The following OR51L1 variants were observed in gnomAD, a reference collection of about 807,000 sequenced individuals.
OR51L1 encodes the protein olfactory receptor 51L1.
In OR51L1, 1 loss-of-function variant was observed where a neutral mutation model predicts 1.4. The ratio of observed to expected loss-of-function variants is 0.72; its 90% CI spans 0.26 to 3.42. OR51L1 has a LOEUF of 3.42. Ranked by LOEUF, OR51L1 falls within the 30% of genes most tolerant of loss-of-function variation. The pLI, the probability that OR51L1 is intolerant of heterozygous loss-of-function variation, is 0.20. For missense variants in OR51L1, 378 were observed against 380.0 expected (o/e 0.99, Z 0.04); for synonymous variants, 156 against 144.2 (o/e 1.08, Z -0.59).
Position 5,003,869 on chromosome 11 carries a change from C to A in OR51L1, c.*3939C>A, listed in dbSNP as rs912674456. On this transcript the variant is annotated 3_prime_UTR_variant, in exon 3 of 3. Coordinates refer to ENST00000641819, the MANE Select transcript of OR51L1 (RefSeq NM_001004755.2). ...AGTATGTCTGATGACTAGAAATGTT[C>A]TTAATTTTAATTAAGTCCAACTTAT... 3 of 152,050 alleles carry A rather than the reference C, an allele frequency of 2.0e-5. No homozygotes were observed. Among genetic ancestry groups the A allele is most frequent in the African/African-American group, 7.2e-5 (3 of 41,404 alleles). 9.4% of individuals were successfully genotyped at this position (152,050 alleles called of 1,614,324 possible).
chr11:5,000,406 C>A lies in OR51L1; in HGVS notation c.*476C>A. 6.4e-6 allele frequency: 1 copy of A among 155,808 alleles called. No individual in the cohort carries two copies. Among genetic ancestry groups the A allele is most frequent in the Non-Finnish European group, 1.4e-5 (1 of 70,248 alleles). The allele number at this position is 155,808 out of a possible 1,614,324, so 9.7% of individuals were successfully genotyped here. Reference sequence around the variant, plus strand: ...TTATGAAAAATTTGAGTCCTTAGGGCAAGTTTGGAACTTGAGTTCCTGACA... The same window carrying A: ...TTATGAAAAATTTGAGTCCTTAGGGAAAGTTTGGAACTTGAGTTCCTGACA... On this transcript the variant is annotated 3_prime_UTR_variant, in exon 3 of 3. Transcript: ENST00000641819.
Position 4,998,988 on chromosome 11 carries a change from AG to A in OR51L1, c.7del (p.Asp3ThrfsTer14). The A allele has an allele frequency of 3.7e-6, 6 of 1,612,672 alleles. No individual in the cohort carries two copies. The highest frequency in any genetic ancestry group is 5.1e-6 in the Non-Finnish European group (6 of 1,179,128). ...CTGAATTACTCAAAGTCACTATGGG[AG>A]ACTGGAATAACAGTGATGCTGTGGA... Reference protein sequence around the residue: MGDWNNSDAVEPI... With the variant: MGXWNNSDAVEPI... On this transcript the variant is annotated frameshift_variant, in exon 3 of 3. Coordinates refer to ENST00000641819, the MANE Select transcript of OR51L1 (RefSeq NM_001004755.2). LOFTEE classifies it low-confidence loss of function (END_TRUNC).
intron 1 of OR51L1, among the ~76,000 whole-genome samples, chr11:4,996,716 TTTTCTTTTC>T (rs1231299101): frequency 5.9e-4 from 69 of 116,880 alleles, no homozygotes; most frequent in African/African-American, 2.1e-3. Flanking sequence ...CCTTCCTTTC[TTTTCTTTTC>T]TTTCTTTCTT....
rs528188262 is a variant in OR51L1 at position 5,004,934 on chromosome 11, A to C, written c.*5004A>C. ...TTCAGTCAGAACTATGTAAAAGAAAATAAAAATTGAAGGACCCCCCAAACT... is the reference window on the plus strand; with the variant it reads ...TTCAGTCAGAACTATGTAAAAGAAACTAAAAATTGAAGGACCCCCCAAACT... On this transcript the variant is annotated 3_prime_UTR_variant, in exon 3 of 3. Coordinates refer to ENST00000641819, the MANE Select transcript of OR51L1 (RefSeq NM_001004755.2). 1 of 152,284 alleles carries C rather than the reference A, an allele frequency of 6.6e-6. No individual in the cohort carries two copies. Among genetic ancestry groups the C allele is most frequent in the Admixed American group, 6.5e-5 (1 of 15,292 alleles). The allele number at this position is 152,284 out of a possible 1,614,324, so 9.4% of individuals were successfully genotyped here. A position where few individuals can be genotyped will look rare whatever the true frequency, so the allele number is the denominator to read the frequency against.
Position 5,003,657 on chromosome 11 carries a change from T to A in OR51L1, c.*3727T>A, listed in dbSNP as rs905744847. The A allele has an allele frequency of 1.6e-4, 24 of 152,286 alleles. No individual in the cohort carries two copies. Among genetic ancestry groups the A allele is most frequent in the African/African-American group, 5.5e-4 (23 of 41,556 alleles). The allele number at this position is 152,286 out of a possible 1,614,324, so 9.4% of individuals were successfully genotyped here. On this transcript the variant is annotated 3_prime_UTR_variant, in exon 3 of 3. Coordinates refer to ENST00000641819, the MANE Select transcript of OR51L1 (RefSeq NM_001004755.2). ...AATAAAATTCTCAAGGATTCCTTTT[T>A]TTCAGGCAGATGAAACAGGATGAGA...
At position 5,002,267 on chromosome 11, in the gene OR51L1, T is replaced by C. The variant is rs899317547; in HGVS notation, c.*2337T>C. On this transcript the variant is annotated 3_prime_UTR_variant, in exon 3 of 3. Transcript: ENST00000641819. ...ATTATATATCAGGACTTGAAATTTT[T>C]TCTTAGAGAGGAGGTGGTTAAACAC... 3.9e-5 allele frequency: 6 copies of C among 152,216 alleles called. No homozygotes were observed. The highest frequency in any genetic ancestry group is 7.3e-5 in the Non-Finnish European group (5 of 68,038). The allele number at this position is 152,216 out of a possible 1,614,324, so 9.4% of individuals were successfully genotyped here.
chr11:4,999,988 T>C lies in OR51L1; in HGVS notation c.*58T>C, dbSNP rs1408353164. 19 of 1,501,344 alleles carry C rather than the reference T, an allele frequency of 1.3e-5. No individual in the cohort carries two copies. Among genetic ancestry groups the C allele is most frequent in the Non-Finnish European group, 1.6e-5 (18 of 1,126,478 alleles). 93.0% of individuals were successfully genotyped at this position (1,501,344 alleles called of 1,614,324 possible). On this transcript the variant is annotated 3_prime_UTR_variant, in exon 3 of 3. Transcript: ENST00000641819. Reference sequence around the variant, plus strand: ...ATCTCATGGAAGCTGTTTTAGTATATGAAAAGTAAAATATCTGGGTGTTGC... The same window carrying C: ...ATCTCATGGAAGCTGTTTTAGTATACGAAAAGTAAAATATCTGGGTGTTGC...
In OR51L1 at chr11:5,000,586, T is replaced by C. The variant is rs984645542; in HGVS notation, c.*656T>C. 1 of 152,342 alleles carries C rather than the reference T, an allele frequency of 6.6e-6. No homozygotes were observed. Among genetic ancestry groups the C allele is most frequent in the African/African-American group, 2.4e-5 (1 of 41,568 alleles). The allele number at this position is 152,342 out of a possible 1,614,324, so 9.4% of individuals were successfully genotyped here. On this transcript the variant is annotated 3_prime_UTR_variant, in exon 3 of 3. Transcript: ENST00000641819. ...AGATACATGGGAGTGTTACCAAATA[T>C]AGTTTCAGTTGATGCCACTTGCAAA...
intron 2 of OR51L1, among the ~76,000 whole-genome samples, chr11:4,998,472 A>C (rs1055766657): frequency 6.6e-6 from 1 of 151,924 alleles, no homozygotes; most frequent in African/African-American, 2.4e-5. Context: ...AAATGTTTAA[A>C]TATTATAAAT....
Position 5,000,090 on chromosome 11 carries a change from G to T in OR51L1, c.*160G>T. 1.3e-6 allele frequency: 1 copy of T among 740,938 alleles called. No individual in the cohort carries two copies. Among genetic ancestry groups the T allele is most frequent in the Non-Finnish European group, 2.0e-6 (1 of 488,548 alleles). 45.9% of individuals were successfully genotyped at this position (740,938 alleles called of 1,614,324 possible). ...TAATCTTTAACCAATATGAAACTCAGGATTTTTTTGGACAAATTGTGACAA... is the reference window on the plus strand; with the variant it reads ...TAATCTTTAACCAATATGAAACTCATGATTTTTTTGGACAAATTGTGACAA... On this transcript the variant is annotated 3_prime_UTR_variant, in exon 3 of 3. Transcript: ENST00000641819.
Position 5,002,013 on chromosome 11 carries a change from A to C in OR51L1, c.*2083A>C, listed in dbSNP as rs1386325274. 6.6e-6 allele frequency: 1 copy of C among 152,232 alleles called. No individual in the cohort carries two copies. The highest frequency in any genetic ancestry group is 1.5e-5 in the Non-Finnish European group (1 of 68,034). 9.4% of individuals were successfully genotyped at this position (152,232 alleles called of 1,614,324 possible). ...GATATATTAATAAGTGGTCAATTTC[A>C]CTTGAGGATTTAAGAATCAGTAATC... On this transcript the variant is annotated 3_prime_UTR_variant, in exon 3 of 3. Coordinates refer to ENST00000641819, the MANE Select transcript of OR51L1 (RefSeq NM_001004755.2).
At chr11:4,997,070 A>G (rs2133659689) in intron 1 of OR51L1, among the ~76,000 whole-genome samples, 1 of 152,246 alleles carries the variant, frequency 6.6e-6, no homozygotes, top group Non-Finnish European at 1.5e-5. Flanking sequence ...GAGGGTCTCA[A>G]ATGAAAGCTT....
rs1847146092 is a variant in OR51L1 at position 5,003,100 on chromosome 11, T to A, written c.*3170T>A. On this transcript the variant is annotated 3_prime_UTR_variant, in exon 3 of 3. Coordinates refer to ENST00000641819, the MANE Select transcript of OR51L1 (RefSeq NM_001004755.2). ...GATCAAGGCAAGTTTCGAGCAGGAGTGGAAGTTTATTTAAAAATGCTTTAG... is the reference window on the plus strand; with the variant it reads ...GATCAAGGCAAGTTTCGAGCAGGAGAGGAAGTTTATTTAAAAATGCTTTAG... 1 of 151,692 alleles carries A rather than the reference T, an allele frequency of 6.6e-6. No individual in the cohort carries two copies. Among genetic ancestry groups the A allele is most frequent in the Non-Finnish European group, 1.5e-5 (1 of 67,932 alleles). 9.4% of individuals were successfully genotyped at this position (151,692 alleles called of 1,614,324 possible).
At chr11:4,998,254 C>T (rs1161269283) in intron 2 of OR51L1, among the ~76,000 whole-genome samples, 1 of 150,814 alleles carries the variant, frequency 6.6e-6, no homozygotes, top group African/African-American at 2.4e-5. Flanking sequence ...CACTCACACA[C>T]TATATATATA....
At position 4,999,302 on chromosome 11, in the gene OR51L1, A is replaced by G; in HGVS notation, c.320A>G (p.His107Arg). Residue 107 changes from histidine to arginine, a missense_variant, in exon 3 of 3, where the codon CAC becomes CGC. By Grantham distance (29) the His-to-Arg change is conservative. Transcript: ENST00000641819. ...SACYAQLFFIHTFTFLESSVL... is the reference protein window; with the variant it reads ...SACYAQLFFIRTFTFLESSVL... ...TGCTATGCTCAGCTGTTCTTCATCC[A>G]CACATTCACATTCCTGGAGTCCTCA... is the stretch of plus-strand genomic sequence containing the variant. The G allele has an allele frequency of 1.2e-6, 2 of 1,614,104 alleles. No homozygotes were observed. The highest frequency in any genetic ancestry group is 1.1e-5 in the South Asian group (1 of 91,074).
chr11:4,995,737 G>A (rs1397468554), intron 1 of OR51L1, among the ~76,000 whole-genome samples: 1 of 151,996 alleles, frequency 6.6e-6, no homozygotes, highest in Non-Finnish European at 1.5e-5. Flanking sequence ...TTCGACCTCA[G>A]TGTGATTAAG....
intron 2 of OR51L1, among the ~76,000 whole-genome samples, chr11:4,998,192 CAA>C (rs1847089061): frequency 1.5e-5 from 1 of 65,112 alleles, no homozygotes; most frequent in Non-Finnish European, 3.1e-5. Flanking sequence ...TCTTATTTCA[CAA>C]ACACACACAC....
chr11:4,995,485 T>A (rs1249205898), intron 1 of OR51L1, 150 bp downstream of exon 1: 3 of 152,108 alleles, frequency 2.0e-5, no homozygotes, highest in Non-Finnish European at 1.5e-5. Context: ...GTGAAAAAAA[T>A]TAAATTTATT....
In OR51L1 at chr11:5,000,064, T is replaced by C. The variant is rs1847116452; in HGVS notation, c.*134T>C. ...TCACTTCTTATACATGTAATTTCAG[T>C]TAATCTTTAACCAATATGAAACTCA... On this transcript the variant is annotated 3_prime_UTR_variant, in exon 3 of 3. Coordinates refer to ENST00000641819, the MANE Select transcript of OR51L1 (RefSeq NM_001004755.2). 6 of 959,778 alleles carry C rather than the reference T, an allele frequency of 6.3e-6. No individual in the cohort carries two copies. Among genetic ancestry groups the C allele is most frequent in the Non-Finnish European group, 8.9e-6 (6 of 676,470 alleles). 59.5% of individuals were successfully genotyped at this position (959,778 alleles called of 1,614,324 possible). A position where few individuals can be genotyped will look rare whatever the true frequency, so the allele number is the denominator to read the frequency against.
Sources: allele counts gnomAD v4.1 joint callset (sites outside exome capture counted in the v4.1 genomes callset), GRCh38; gene constraint gnomAD v4.1.1; transcripts MANE v1.5; gene names NCBI Gene and HGNC (gene_info 2026-07-23, HGNC 2026-07-21).